Variants in TMX2 observed in about 807,000 individuals in gnomAD.
TMX2 encodes the protein thioredoxin-related transmembrane protein 2.
A neutral mutation model predicts 33.4 loss-of-function variants in TMX2; 20 were observed. The ratio of observed to expected loss-of-function variants is 0.60; its 90% CI spans 0.42 to 0.87. The LOEUF is 0.87. Among genes scored for constraint, TMX2 ranks in the 40% least tolerant of loss-of-function variants. The pLI, the probability that TMX2 is intolerant of heterozygous loss-of-function variation, is 0.00. For synonymous variants in TMX2, 166 were observed against 140.7 expected, an observed-to-expected ratio of 1.18 and a Z score of -1.27; for missense variants, 340 against 370.7, an observed-to-expected ratio of 0.92 and a Z score of 0.68.
chr11:57,716,049 C>T (rs1169751820), intron 1 of TMX2, among the ~76,000 whole-genome samples: 2 of 152,200 alleles, frequency 1.3e-5, no homozygotes, highest in Non-Finnish European at 2.9e-5. Context: ...CCTTTCTATT[C>T]CACAAAACCG....
chr11:57,731,284 C>A (rs1948386037), intron 1 of TMX2, among the ~76,000 whole-genome samples: 1 of 151,334 alleles, frequency 6.6e-6, no homozygotes, highest in Admixed American at 6.6e-5. Context: ...CAAGCATGCG[C>A]CACTGCACCC....
At chr11:57,728,502 T>C (rs899048841) in intron 1 of TMX2, among the ~76,000 whole-genome samples, 2 of 152,106 alleles carry the variant, frequency 1.3e-5, no homozygotes, top group African/African-American at 2.4e-5. Context: ...GAGTTCGAGC[T>C]TCTCCTTCGG....
intron 1 of TMX2, among the ~76,000 whole-genome samples, chr11:57,717,040 A>C (rs1947155175): frequency 6.8e-6 from 1 of 147,872 alleles, no homozygotes; most frequent in Admixed American, 6.6e-5. Flanking sequence ...GCGGCCGGGC[A>C]GAGGCGCTCC....
At chr11:57,717,100 C>T (rs1228758858) in intron 1 of TMX2, among the ~76,000 whole-genome samples, 2 of 141,900 alleles carry the variant, frequency 1.4e-5, no homozygotes, top group Non-Finnish European at 3.0e-5. Flanking sequence ...ACATCTCAGA[C>T]GATGGGCGGC....
chr11:57,727,872 A>C (rs1270691024), intron 1 of TMX2, among the ~76,000 whole-genome samples: 1 of 152,232 alleles, frequency 6.6e-6, no homozygotes, highest in Non-Finnish European at 1.5e-5. Flanking sequence ...CCTTTATCAT[A>C]ACCTGAACAT....
intron 1 of TMX2, among the ~76,000 whole-genome samples, chr11:57,714,086 A>G (rs976598084): frequency 6.6e-6 from 1 of 152,136 alleles, no homozygotes; most frequent in Non-Finnish European, 1.5e-5. Context: ...AGCATACAGG[A>G]TGCCATATTT....
intron 1 of TMX2, among the ~76,000 whole-genome samples, chr11:57,736,166 G>T (rs1565232364): frequency 6.6e-6 from 1 of 152,104 alleles, no homozygotes; most frequent in African/African-American, 2.4e-5. Flanking sequence ...TCAGGGCTTA[G>T]AATTCTATTA....
rs774496524 is a variant in TMX2, at chr11:57,738,708, C to T, written c.486C>T (p.Phe162=). ...AGAGGGTCACTTGGATTGTGGAGTT[C>T]TTTGCCAATTGGTCTAATGACTGCC... ...RDKRVTWIVE[F]FANWSNDCQS... is the part of the protein sequence containing the mutation. Residue 162 remains phenylalanine, a synonymous_variant, in exon 5 of 8, where the codon TTC becomes TTT. Coordinates refer to ENST00000278422, the MANE Select transcript of TMX2 (RefSeq NM_015959.4). 5 of 1,614,142 alleles carry T rather than the reference C, an allele frequency of 3.1e-6. No homozygotes were observed. The highest frequency in any genetic ancestry group is 3.4e-6 in the Non-Finnish European group (4 of 1,180,042).
chr11:57,725,896 T>A (rs1189971185), intron 1 of TMX2, among the ~76,000 whole-genome samples: 1 of 152,076 alleles, frequency 6.6e-6, no homozygotes, highest in Admixed American at 6.6e-5. Context: ...ACTATAAAAT[T>A]AAGGAAAAAT....
intron 1 of TMX2, among the ~76,000 whole-genome samples, chr11:57,733,831 G>C (rs1451777215): frequency 1.3e-5 from 2 of 152,126 alleles, no homozygotes; most frequent in African/African-American, 4.8e-5. Context: ...TCTTCAACCT[G>C]TGGCCTTGGG....
At chr11:57,729,575 G>T (rs1271594944) in intron 1 of TMX2, among the ~76,000 whole-genome samples, 2 of 152,022 alleles carry the variant, frequency 1.3e-5, no homozygotes, top group Non-Finnish European at 2.9e-5. Flanking sequence ...CTTACCTTAT[G>T]ATGTAAATTT....
chr11:57,733,955 G>C (rs956536457), intron 1 of TMX2, among the ~76,000 whole-genome samples: 4 of 151,942 alleles, frequency 2.6e-5, no homozygotes, highest in Non-Finnish European at 5.9e-5. Context: ...CGGATCACAA[G>C]GTCAGTAGAT....
intron 1 of TMX2, among the ~76,000 whole-genome samples, chr11:57,735,400 G>A (rs1163677985): frequency 3.3e-5 from 5 of 151,874 alleles, no homozygotes; most frequent in African/African-American, 9.7e-5. Context: ...TAGTAGAGAC[G>A]GGGTTTTGCC....
chr11:57,734,102 G>C (rs932653285), intron 1 of TMX2, among the ~76,000 whole-genome samples: 1 of 146,822 alleles, frequency 6.8e-6, no homozygotes, highest in Non-Finnish European at 1.5e-5. Flanking sequence ...AACCTGGGAG[G>C]CGGAGGAGAC....
rs1242146792 is a variant in TMX2 at position 57,740,672 on chromosome 11, C to T, written c.*427C>T. On this transcript the variant is annotated 3_prime_UTR_variant, in exon 8 of 8. Transcript: ENST00000278422. ...GTATAGAACGCTAAGAATTTTCCCC[C>T]AAGGACTCTTGCTTCCTTAAGCCCT... The T allele has an allele frequency of 6.3e-6, 1 of 159,054 alleles. No individual in the cohort carries two copies. Among genetic ancestry groups the T allele is most frequent in the Non-Finnish European group, 1.4e-5 (1 of 71,834 alleles). The allele number at this position is 159,054 out of a possible 1,614,324, so 9.9% of individuals were successfully genotyped here. A position where few individuals can be genotyped will look rare whatever the true frequency, so the allele number is the denominator to read the frequency against.
intron 1 of TMX2, chr11:57,718,452 T>C: frequency 8.9e-7 from 1 of 1,118,134 alleles, no homozygotes; most frequent in Non-Finnish European, 1.4e-6. Context: ...TTTGGAACCT[T>C]GTCTGCAAAC....
At position 57,740,378 on chromosome 11, in the gene TMX2, T is replaced by C; in HGVS notation, c.*133T>C. 1 of 1,143,504 alleles carries C rather than the reference T, an allele frequency of 8.7e-7. No homozygotes were observed. Among genetic ancestry groups the C allele is most frequent in the South Asian group, 1.7e-5 (1 of 57,424 alleles). The allele number at this position is 1,143,504 out of a possible 1,614,324, so 70.8% of individuals were successfully genotyped here. On this transcript the variant is annotated 3_prime_UTR_variant, in exon 8 of 8. Coordinates refer to ENST00000278422, the MANE Select transcript of TMX2 (RefSeq NM_015959.4). The stretch of plus-strand genomic sequence containing the variant: ...GGGTGGGGCAGCATGCAGCTTCTGA[T>C]TTTAAAGAGGCATCTAGGGAATTGT...
intron 1 of TMX2, among the ~76,000 whole-genome samples, chr11:57,720,764 C>G (rs1205067981): frequency 6.6e-6 from 1 of 152,186 alleles, no homozygotes. Context: ...CTGCAATGGA[C>G]TGTTACCTTA....
chr11:57,714,159 A>G (rs1446596107), intron 1 of TMX2, among the ~76,000 whole-genome samples: 1 of 152,164 alleles, frequency 6.6e-6, no homozygotes, highest in African/African-American at 2.4e-5. Flanking sequence ...AAGTTTCACT[A>G]TAAGCTGAGT....
Sources: allele counts gnomAD v4.1 joint callset (sites outside exome capture counted in the v4.1 genomes callset), GRCh38; gene constraint gnomAD v4.1.1; transcripts MANE v1.5; gene names NCBI Gene and HGNC (gene_info 2026-07-23, HGNC 2026-07-21).